Variants in MDGA2 observed in about 807,000 individuals in gnomAD.
MDGA2 encodes MAM domain containing glycosylphosphatidylinositol anchor 2.
Under a neutral mutation model 117.8 loss-of-function variants are expected in MDGA2, and 40 were observed. The observed-to-expected ratio is 0.34, with a 90% CI of 0.26 to 0.44. The LOEUF is 0.44. Among genes scored for constraint, MDGA2 ranks in the 20% least tolerant of loss-of-function variants. The pLI, the probability that MDGA2 is intolerant of heterozygous loss-of-function variation, is 1.00. For synonymous variants in MDGA2, 452 were observed against 439.0 expected (o/e 1.03, Z -0.37); for missense variants, 1,123 against 1,250.6 (o/e 0.90, Z 1.54).
chr14:47,023,159 G>T (rs577235596), intron 8 of MDGA2, among the ~76,000 whole-genome samples: 1 of 109,268 alleles, frequency 9.2e-6, no homozygotes, highest in Non-Finnish European at 1.8e-5. Context: ...AGTTAGACAA[G>T]AATTTTCCAT....
intron 8 of MDGA2, among the ~76,000 whole-genome samples, chr14:47,009,665 T>G (rs1184083893): frequency 1.3e-5 from 2 of 152,080 alleles, no homozygotes; most frequent in Admixed American, 6.6e-5. Flanking sequence ...CATTCTGTCT[T>G]CTCCCAGTGA....
At chr14:47,253,315 T>C (rs1887509168) in intron 2 of MDGA2, among the ~76,000 whole-genome samples, 1 of 152,146 alleles carries the variant, frequency 6.6e-6, no homozygotes, top group Admixed American at 6.5e-5. Context: ...ACAAGGCAAG[T>C]CCCTTCCTCC....
intron 8 of MDGA2, among the ~76,000 whole-genome samples, chr14:46,972,112 CAG>C (rs1886292456): frequency 6.6e-6 from 1 of 152,034 alleles, no homozygotes; most frequent in Non-Finnish European, 1.5e-5. Flanking sequence ...GGATGGCAAA[CAG>C]GGATTTGTAA....
At chr14:47,034,407 G>A (rs754290515) in intron 8 of MDGA2, among the ~76,000 whole-genome samples, 31 of 152,026 alleles carry the variant, frequency 2.0e-4, no homozygotes, top group Non-Finnish European at 4.3e-4. Flanking sequence ...TACCCGCTAA[G>A]ATTAAATCAG....
intron 1 of MDGA2, among the ~76,000 whole-genome samples, chr14:47,556,811 C>T (rs1052786984): frequency 7.9e-5 from 12 of 152,312 alleles, no homozygotes; most frequent in East Asian, 7.7e-4. Flanking sequence ...TACAGTTCCT[C>T]GCTCCTTCTG....
intron 1 of MDGA2, among the ~76,000 whole-genome samples, chr14:47,359,373 A>G (rs1284709307): frequency 1.3e-5 from 2 of 151,848 alleles, no homozygotes; most frequent in African/African-American, 2.4e-5. Flanking sequence ...AAACAAGCAA[A>G]CAAACAAACA....
rs1898138280 is a variant in MDGA2, at chr14:47,674,519, T to C, written c.278A>G (p.Tyr93Cys). The C allele has an allele frequency of 1.3e-6, 2 of 1,550,612 alleles. No individual in the cohort carries two copies. The highest frequency in any genetic ancestry group is 1.7e-6 in the Non-Finnish European group (2 of 1,146,550). The change falls in exon 1 of 17, where the codon TAC (tyrosine) becomes TGC (cysteine). Residue 93 changes from tyrosine (Y) to cysteine (C), a missense_variant and splice_region_variant. Transcript: ENST00000399232. Reference sequence around the variant, plus strand: ...GATAGCGTCGCGATTCCACTCACCGTACACTCCTTGGCCAGAGATCCCCTC... The same window carrying C: ...GATAGCGTCGCGATTCCACTCACCGCACACTCCTTGGCCAGAGATCCCCTC... ...LLEGISGQGV[Y>C]APPTVRIVHS... is the part of the protein sequence containing the mutation.
In MDGA2 at chr14:46,977,827, G is replaced by A. The variant is rs938133642; in HGVS notation, c.1820-20184C>T. On this transcript the variant is annotated intron_variant, in intron 8 of 16. Transcript: ENST00000399232. ...TTGGGGAGATAATGTAGGGGGACTC[G>A]GTAAAAAAAATATCCTTGAAAATCT... Among the ~76,000 whole-genome samples, 11 of 138,744 alleles carry A rather than the reference G, an allele frequency of 7.9e-5. 2 individuals carry two copies. Among genetic ancestry groups the A allele is most frequent in the Admixed American group, 1.5e-4 (2 of 13,528 alleles). The allele number at this position is 138,744 out of a possible 152,430, so 91.0% of individuals were successfully genotyped here. A position where few individuals can be genotyped will look rare whatever the true frequency, so the allele number is the denominator to read the frequency against.
chr14:47,227,319 C>T (rs1460136792), intron 2 of MDGA2, among the ~76,000 whole-genome samples: 1 of 152,082 alleles, frequency 6.6e-6, no homozygotes, highest in Non-Finnish European at 1.5e-5. Flanking sequence ...GATATGAAAG[C>T]CCTGCTCCCG....
At chr14:47,043,654 G>C (rs1889156471) in intron 7 of MDGA2, among the ~76,000 whole-genome samples, 1 of 152,018 alleles carries the variant, frequency 6.6e-6, no homozygotes, top group Non-Finnish European at 1.5e-5. Context: ...TACCAGAACA[G>C]AAGGTCTAAA....
intron 1 of MDGA2, among the ~76,000 whole-genome samples, chr14:47,619,837 G>A (rs891435169): frequency 1.3e-5 from 2 of 152,190 alleles, no homozygotes; most frequent in Admixed American, 6.5e-5. Flanking sequence ...TTCTAAATGC[G>A]ATTGAAATTT....
At chr14:46,977,768 T>A (rs1474199040) in intron 8 of MDGA2, among the ~76,000 whole-genome samples, 1 of 151,832 alleles carries the variant, frequency 6.6e-6, no homozygotes, top group Admixed American at 6.6e-5. Context: ...ATAAAACTTT[T>A]CAGAAATAAA....
chr14:47,436,432 G>A (rs904258498), intron 1 of MDGA2, among the ~76,000 whole-genome samples: 1 of 152,006 alleles, frequency 6.6e-6, no homozygotes, highest in African/African-American at 2.4e-5. Context: ...TTCTTTTCAA[G>A]GTGTACAAAA....
Position 47,667,425 on chromosome 14 carries a change from T to A in MDGA2, c.280+7092A>T, listed in dbSNP as rs145208567. Among the ~76,000 whole-genome samples, 289 of 152,266 alleles carry A rather than the reference T, an allele frequency of 1.9e-3. 3 individuals are homozygous for A. Among genetic ancestry groups the A allele is most frequent in the African/African-American group, 6.6e-3 (276 of 41,542 alleles). On this transcript the variant is annotated intron_variant, in intron 1 of 16. Transcript: ENST00000399232. ...TCCATCAGTGAGAAGAGTAATCTGG[T>A]TCAGAGTGACCACAGGCTCTATTAA...
intron 1 of MDGA2, among the ~76,000 whole-genome samples, chr14:47,505,519 A>G (rs1249884865): frequency 6.6e-6 from 1 of 152,200 alleles, no homozygotes; most frequent in Non-Finnish European, 1.5e-5. Flanking sequence ...TGCCTGTTGC[A>G]TCACTATGTA....
chr14:47,132,391 G>C (rs1364707322), intron 4 of MDGA2, among the ~76,000 whole-genome samples: 1 of 151,884 alleles, frequency 6.6e-6, no homozygotes, highest in Non-Finnish European at 1.5e-5. Flanking sequence ...ACAGGTGACA[G>C]ATCTAAAACT....
intron 1 of MDGA2, among the ~76,000 whole-genome samples, chr14:47,384,835 G>T (rs906105404): frequency 6.6e-6 from 1 of 152,166 alleles, no homozygotes; most frequent in Non-Finnish European, 1.5e-5. Context: ...CAGATGAACA[G>T]AACACTGCAG....
chr14:47,218,940 G>A (rs143763256), intron 2 of MDGA2, among the ~76,000 whole-genome samples: 37 of 152,076 alleles, frequency 2.4e-4, no homozygotes, highest in East Asian at 1.4e-3. Flanking sequence ...AACAGACTTC[G>A]TTTTTGCTGG....
At chr14:47,449,428 G>T (rs1893193680) in intron 1 of MDGA2, among the ~76,000 whole-genome samples, 1 of 152,002 alleles carries the variant, frequency 6.6e-6, no homozygotes, top group African/African-American at 2.4e-5. Flanking sequence ...GCCTATTATA[G>T]TCTTTTCATA....
Sources: allele counts gnomAD v4.1 joint callset (sites outside exome capture counted in the v4.1 genomes callset), GRCh38; gene constraint gnomAD v4.1.1; transcripts MANE v1.5; gene names NCBI Gene and HGNC (gene_info 2026-07-23, HGNC 2026-07-21).